The following PID1 variants were observed in gnomAD, a reference collection of about 807,000 sequenced individuals.
The protein encoded by PID1 is phosphotyrosine interaction domain containing 1, also known as PTB-containing, cubilin and LRP1-interacting protein.
A neutral mutation model predicts 19.1 loss-of-function variants in PID1; 10 were observed. That is an observed-to-expected ratio of 0.52 (90% confidence interval 0.32 to 0.89). The LOEUF (loss-of-function observed/expected upper bound fraction) is 0.89. PID1 is among the 40% of genes least tolerant of loss of function. The pLI is 0.03. For synonymous variants in PID1, 130 were observed against 116.0 expected (o/e 1.12, Z -0.78); for missense variants, 248 against 285.3 (o/e 0.87, Z 0.94).
chr2:229,180,560 C>G (rs753642047), intron 1 of PID1, among the ~76,000 whole-genome samples: 5 of 152,186 alleles, frequency 3.3e-5, no homozygotes, highest in African/African-American at 4.8e-5. Flanking sequence ...CATGATCCAC[C>G]ACAGACCTGC....
intron 2 of PID1, among the ~76,000 whole-genome samples, chr2:229,071,951 A>G (rs1694463163): frequency 6.6e-6 from 1 of 152,230 alleles, no homozygotes; most frequent in Non-Finnish European, 1.5e-5. Context: ...AATTTAAGTA[A>G]CAGACATAAT....
chr2:229,173,939 A>G (rs1690761201), intron 1 of PID1, among the ~76,000 whole-genome samples: 1 of 152,132 alleles, frequency 6.6e-6, no homozygotes, highest in African/African-American at 2.4e-5. Context: ...CATTTCTGAG[A>G]ATTTCCACAC....
chr2:229,067,432 G>A (rs59599648), intron 2 of PID1, among the ~76,000 whole-genome samples: 8,368 of 152,170 alleles, frequency 0.055, 763 homozygotes, highest in African/African-American at 0.19. Context: ...GGAGAGGATG[G>A]GGGGAATGTG....
At chr2:229,097,749 C>T (rs559936434) in intron 2 of PID1, among the ~76,000 whole-genome samples, 23 of 152,144 alleles carry the variant, frequency 1.5e-4, no homozygotes, top group African/African-American at 5.1e-4. Flanking sequence ...CTTTTCTAAC[C>T]GAAAAAGCTG....
At chr2:229,159,572 C>G (rs1690451316) in intron 1 of PID1, among the ~76,000 whole-genome samples, 1 of 152,134 alleles carries the variant, frequency 6.6e-6, no homozygotes, top group Admixed American at 6.5e-5. Context: ...CAGTTTTGGA[C>G]TTTTCTTGCC....
intron 2 of PID1, among the ~76,000 whole-genome samples, chr2:229,151,415 C>G (rs949033739): frequency 3.3e-5 from 5 of 152,152 alleles, no homozygotes; most frequent in African/African-American, 1.2e-4. Flanking sequence ...TGAAATGGGG[C>G]TACACCTGGC....
rs552442267 is a variant in PID1, at chr2:229,183,192, G to A, written c.31-27228C>T. ...GGGAGTACACCATGTGAAGATGGAC[G>A]CAGAGGCTGGAGGCAAGTGTCTATT... On this transcript the variant is annotated intron_variant, in intron 1 of 2. Transcript: ENST00000392055. 1.1e-4 allele frequency among the ~76,000 whole-genome samples: 17 copies of A among 152,306 alleles called. No homozygotes were observed. The South Asian group carries it at 2.5e-3, about 22-fold the overall frequency.
At chr2:229,197,945 T>C (rs891935116) in intron 1 of PID1, among the ~76,000 whole-genome samples, 1 of 152,086 alleles carries the variant, frequency 6.6e-6, no homozygotes, top group African/African-American at 2.4e-5. Context: ...AACATTAGTA[T>C]TCCGGCTCAA....
At chr2:229,235,846 A>T (rs1197658345) in intron 1 of PID1, among the ~76,000 whole-genome samples, 3 of 152,162 alleles carry the variant, frequency 2.0e-5, no homozygotes, top group African/African-American at 4.8e-5. Context: ...ATTCAACATG[A>T]TGGCTTCCAG....
chr2:229,087,146 T>A (rs1470786683), intron 2 of PID1, among the ~76,000 whole-genome samples: 1 of 152,206 alleles, frequency 6.6e-6, no homozygotes, highest in African/African-American at 2.4e-5. Flanking sequence ...CAAATTACAT[T>A]AATTTTTTTT....
chr2:229,100,051 C>T (rs1695045216), intron 2 of PID1, among the ~76,000 whole-genome samples: 1 of 152,138 alleles, frequency 6.6e-6, no homozygotes, highest in Admixed American at 6.5e-5. Context: ...TTGCCTCCTC[C>T]TTCTCTGACC....
At chr2:229,121,342 T>C (rs529047417) in intron 2 of PID1, among the ~76,000 whole-genome samples, 2 of 152,346 alleles carry the variant, frequency 1.3e-5, no homozygotes, top group South Asian at 4.1e-4. Context: ...TCCTCATGCA[T>C]ACTAAATTCA....
intron 1 of PID1, among the ~76,000 whole-genome samples, chr2:229,174,656 G>A (rs536017733): frequency 2.0e-5 from 3 of 148,446 alleles, no homozygotes; most frequent in African/African-American, 7.4e-5. Context: ...ATGCTGTATG[G>A]TACAGAGATT....
intron 2 of PID1, among the ~76,000 whole-genome samples, chr2:229,096,965 C>T (rs1321495450): frequency 6.6e-6 from 1 of 152,106 alleles, no homozygotes; most frequent in Non-Finnish European, 1.5e-5. Flanking sequence ...TAGAAAGCTC[C>T]AGCACTGGGA....
intron 2 of PID1, among the ~76,000 whole-genome samples, chr2:229,151,552 GTTA>G (rs1690252090): frequency 6.6e-6 from 1 of 151,296 alleles, no homozygotes; most frequent in Admixed American, 6.6e-5. Flanking sequence ...TCAGTTCTGT[GTTA>G]TTAAGACTTC....
At chr2:229,078,375 T>G (rs1471404783) in intron 2 of PID1, among the ~76,000 whole-genome samples, 1 of 152,206 alleles carries the variant, frequency 6.6e-6, no homozygotes, top group Non-Finnish European at 1.5e-5. Context: ...TCTTCCTATT[T>G]GAATACCCTT....
chr2:229,271,123 TTTAC>T lies in PID1; in HGVS notation c.-84_-81del, dbSNP rs1690727477. On this transcript the variant is annotated 5_prime_UTR_variant, in exon 1 of 3. The change abolishes an upstream ATG in the 5' untranslated region. Coordinates refer to ENST00000392055, the MANE Select transcript of PID1 (RefSeq NM_001100818.2). ...GGGGGGCGAGGGGCTGGGGTCCCGCTTTACATCTGGGGTCGGTGTCCGCGGGATG... is the reference window on the plus strand; with the variant it reads ...GGGGGGCGAGGGGCTGGGGTCCCGCTATCTGGGGTCGGTGTCCGCGGGATG... 1 of 1,468,456 alleles carries T rather than the reference TTTAC, an allele frequency of 6.8e-7. No individual in the cohort carries two copies. Among genetic ancestry groups the T allele is most frequent in the Non-Finnish European group, 9.2e-7 (1 of 1,082,880 alleles). 91.0% of individuals were successfully genotyped at this position (1,468,456 alleles called of 1,614,324 possible).
chr2:229,176,226 G>A (rs1455939280), intron 1 of PID1, among the ~76,000 whole-genome samples: 1 of 151,574 alleles, frequency 6.6e-6, no homozygotes, highest in Non-Finnish European at 1.5e-5. Flanking sequence ...GAAGGATATG[G>A]AAACTTGACT....
rs540705056 is a variant in PID1, at chr2:229,041,019, A to G, written c.178-14911T>C. Among the ~76,000 whole-genome samples, 3 of 152,308 alleles carry G rather than the reference A, an allele frequency of 2.0e-5. No homozygotes were observed. In the South Asian group the frequency reaches 6.2e-4, roughly 32 times the overall value. On this transcript the variant is annotated intron_variant, in intron 2 of 2. Transcript: ENST00000392055. ...GCTTTCAATATATCTAGATATGTAG[A>G]CACTGACATCAATATACAGGTGAGT...
Sources: allele counts gnomAD v4.1 joint callset (sites outside exome capture counted in the v4.1 genomes callset), GRCh38; gene constraint gnomAD v4.1.1; transcripts MANE v1.5; gene names NCBI Gene and HGNC (gene_info 2026-07-23, HGNC 2026-07-21).